Variants in RPS6KA6 observed in about 807,000 individuals in gnomAD.
RPS6KA6 encodes the protein ribosomal protein S6 kinase alpha-6.
A neutral mutation model predicts 65.4 loss-of-function variants in RPS6KA6; 27 were observed. The observed-to-expected ratio is 0.41, with a 90% CI of 0.30 to 0.57. RPS6KA6 has a LOEUF of 0.57. RPS6KA6 is among the 20% of genes least tolerant of loss of function. RPS6KA6 has a pLI of 0.24. For synonymous variants in RPS6KA6, 190 were observed against 184.2 expected (o/e 1.03, Z -0.26); for missense variants, 486 against 555.6 (o/e 0.87, Z 1.26).
At chrX:84,073,799 A>C (rs1449215343) in intron 20 of RPS6KA6, among the ~76,000 whole-genome samples, 1 of 111,115 alleles carries the variant, frequency 9.0e-6, no homozygotes, top group Admixed American at 9.6e-5. Flanking sequence ...ATCACTAATT[A>C]TCACAGAAAT....
chrX:84,093,900 G>A (rs946350783), intron 20 of RPS6KA6, among the ~76,000 whole-genome samples: 1 of 111,245 alleles, frequency 9.0e-6, no homozygotes, highest in African/African-American at 3.3e-5. Context: ...AGTGGGGTTG[G>A]GGCTTAGGAG....
intron 20 of RPS6KA6, among the ~76,000 whole-genome samples, chrX:84,089,726 G>A (rs1278576141): frequency 9.0e-6 from 1 of 111,271 alleles, no homozygotes; most frequent in East Asian, 2.8e-4. Context: ...GTGCCACTCT[G>A]AGGTGTGTCA....
At chrX:84,170,313 A>T (rs757682096) in intron 1 of RPS6KA6, among the ~76,000 whole-genome samples, 2 of 111,165 alleles carry the variant, frequency 1.8e-5, no homozygotes, top group Non-Finnish European at 3.8e-5. Flanking sequence ...AGCTAAAGAT[A>T]AAGGTGGGTC....
In RPS6KA6 at chrX:84,106,371, T is replaced by A. The variant is rs1352857469; in HGVS notation, c.1359A>T (p.Ala453=). The change falls in exon 15 of 22, where the codon GCA becomes GCT. Residue 453 remains alanine, a synonymous_variant. Transcript: ENST00000262752. ...CIHATTNMEF[A]VKIIDKSKRD... ...CTAGGCTCAGAGACAATACCTTCAC[T>A]GCAAATTCCATGTTGGTAGTTGCAT... The A allele has an allele frequency of 8.3e-7, 1 of 1,202,839 alleles. No homozygotes were observed. Among genetic ancestry groups the A allele is most frequent in the Non-Finnish European group, 1.1e-6 (1 of 891,085 alleles).
At chrX:84,114,849 A>C (rs1275262496) in intron 12 of RPS6KA6, among the ~76,000 whole-genome samples, 1 of 111,924 alleles carries the variant, frequency 8.9e-6, no homozygotes, top group Non-Finnish European at 1.9e-5. Flanking sequence ...ACAACAATAA[A>C]CAATGAGGAG....
chrX:84,095,310 C>T (rs866452009), intron 20 of RPS6KA6, among the ~76,000 whole-genome samples: 4 of 112,107 alleles, frequency 3.6e-5, no homozygotes, highest in Non-Finnish European at 5.6e-5. Flanking sequence ...CAAATTGTAG[C>T]TTAAAAGCTT....
chrX:84,136,799 A>T (rs1037524173), intron 6 of RPS6KA6, among the ~76,000 whole-genome samples: 3 of 111,289 alleles, frequency 2.7e-5, no homozygotes, highest in Non-Finnish European at 5.7e-5. Flanking sequence ...TATAGCTTCC[A>T]AACTCTATGA....
At chrX:84,075,265 T>A (rs1317139197) in intron 20 of RPS6KA6, among the ~76,000 whole-genome samples, 3 of 110,264 alleles carry the variant, frequency 2.7e-5, no homozygotes, top group African/African-American at 9.9e-5. Flanking sequence ...ACAAACAACC[T>A]CAAATCAAAC....
intron 20 of RPS6KA6, among the ~76,000 whole-genome samples, chrX:84,081,471 A>G (rs773634844): frequency 8.9e-6 from 1 of 111,975 alleles, no homozygotes; most frequent in Non-Finnish European, 1.9e-5. Context: ...TCGAGGCAGT[A>G]ATTATAGCCT....
chrX:84,077,083 TGAGA>T (rs1197663467), intron 20 of RPS6KA6, among the ~76,000 whole-genome samples: 1 of 111,537 alleles, frequency 9.0e-6, no homozygotes, highest in Non-Finnish European at 1.9e-5. Flanking sequence ...AAAACATTGT[TGAGA>T]GAAAGTAAAG....
intron 18 of RPS6KA6, among the ~76,000 whole-genome samples, chrX:84,098,265 A>G (rs976358825): frequency 3.6e-5 from 4 of 111,315 alleles, no homozygotes; most frequent in Non-Finnish European, 7.6e-5. Flanking sequence ...TATCTATGAT[A>G]ACTGCCTCTT....
intron 20 of RPS6KA6, among the ~76,000 whole-genome samples, chrX:84,085,579 G>A (rs1170833903): frequency 8.9e-6 from 1 of 111,933 alleles, no homozygotes; most frequent in Non-Finnish European, 1.9e-5. Context: ...AATTCAGTTT[G>A]CCAGTTTTTA....
chrX:84,171,405 G>C (rs745834212), intron 1 of RPS6KA6, among the ~76,000 whole-genome samples: 6 of 111,582 alleles, frequency 5.4e-5, no homozygotes, highest in Non-Finnish European at 1.1e-4. Flanking sequence ...CCCTGAAACA[G>C]ACTTTCCAGA....
At chrX:84,142,280 A>T (rs1329523309) in intron 6 of RPS6KA6, among the ~76,000 whole-genome samples, 2 of 111,516 alleles carry the variant, frequency 1.8e-5, no homozygotes, top group Non-Finnish European at 3.8e-5. Flanking sequence ...TGGGTCAAAG[A>T]AATAGAAAGG....
chrX:84,181,768 C>A (rs1382719561), intron 1 of RPS6KA6, among the ~76,000 whole-genome samples: 1 of 110,111 alleles, frequency 9.1e-6, no homozygotes, highest in Non-Finnish European at 1.9e-5. Context: ...TTGAGAAAAA[C>A]CAGCTAAGAA....
At chrX:84,097,941 T>G in intron 18 of RPS6KA6, 93 bp from the exon 19 acceptor site, 1 of 598,082 alleles carries the variant, frequency 1.7e-6, no homozygotes, top group South Asian at 3.9e-5. Flanking sequence ...CTCACAAAAG[T>G]TCATAATATA....
At chrX:84,129,699 T>C (rs1036608509) in intron 8 of RPS6KA6, among the ~76,000 whole-genome samples, 8 of 111,527 alleles carry the variant, frequency 7.2e-5, no homozygotes, top group African/African-American at 2.6e-4. Context: ...ATCTGCATTG[T>C]GAGTGGAACT....
intron 1 of RPS6KA6, chrX:84,186,237 GAAATAATA>G (rs1042494415): frequency 2.4e-6 from 1 of 410,970 alleles, no homozygotes; most frequent in African/African-American, 2.5e-5. Flanking sequence ...AAAGTTAACA[GAAATAATA>G]AAATAGTAGG....
intron 20 of RPS6KA6, among the ~76,000 whole-genome samples, chrX:84,075,294 T>C (rs1449831676): frequency 9.0e-6 from 1 of 110,716 alleles, no homozygotes; most frequent in South Asian, 3.8e-4. Flanking sequence ...ATAAAAACTG[T>C]GAGATAATAA....
Sources: gnomAD v4.1 joint callset for allele counts (sites outside exome capture counted in the v4.1 genomes callset) on GRCh38, gnomAD v4.1.1 for gene constraint, MANE v1.5 for transcripts, NCBI Gene and HGNC (gene_info 2026-07-23, HGNC 2026-07-21) for gene names.